CNNM2: variants seen among roughly 807,000 people sequenced by gnomAD.
CNNM2 encodes the protein cyclin and CBS domain divalent metal cation transport mediator 2.
CNNM2 carries 12 observed loss-of-function variants against 66.9 expected under a neutral mutation model. The observed-to-expected ratio is 0.18, with a 90% CI of 0.11 to 0.29. The LOEUF (loss-of-function observed/expected upper bound fraction) is 0.29. Among genes scored for constraint, CNNM2 ranks in the 10% least tolerant of loss-of-function variants. The pLI, the probability that CNNM2 is intolerant of heterozygous loss-of-function variation, is 1.00. For missense variants in CNNM2, 705 were observed against 1,167.7 expected, an observed-to-expected ratio of 0.60 and a Z score of 5.77; for synonymous variants, 557 against 501.8, an observed-to-expected ratio of 1.11 and a Z score of -1.47.
chr10:103,085,658 TTG>T lies in CNNM2; in HGVS notation c.*8482_*8483del, dbSNP rs1484843378. 1.3e-5 allele frequency: 2 copies of T among 152,178 alleles called. No individual in the cohort carries two copies. Among genetic ancestry groups the T allele is most frequent in the African/African-American group, 4.8e-5 (2 of 41,420 alleles). 9.4% of individuals were successfully genotyped at this position (152,178 alleles called of 1,614,324 possible). ...AAGGGACGAGATTCAAAATTCATCA[TTG>T]TGTTTTAAATTTAAATTGGAAAACA... On this transcript the variant is annotated 3_prime_UTR_variant, in exon 8 of 8. Transcript: ENST00000369878.
chr10:103,060,811 C>G (rs1199838685), intron 4 of CNNM2, among the ~76,000 whole-genome samples: 1 of 152,056 alleles, frequency 6.6e-6, no homozygotes, highest in Non-Finnish European at 1.5e-5. Context: ...TGACTTCTTC[C>G]TTGCATAGTT....
chr10:102,971,050 T>A (rs1184838752), intron 1 of CNNM2, among the ~76,000 whole-genome samples: 2 of 151,694 alleles, frequency 1.3e-5, no homozygotes, highest in Admixed American at 1.3e-4. Flanking sequence ...AATCTAAAAA[T>A]TAGCTGGTCC....
At chr10:102,985,076 A>G (rs2063775459) in intron 1 of CNNM2, among the ~76,000 whole-genome samples, 1 of 152,240 alleles carries the variant, frequency 6.6e-6, no homozygotes, top group Non-Finnish European at 1.5e-5. Context: ...CTAACATGAA[A>G]AGGAAATAAC....
intron 1 of CNNM2, among the ~76,000 whole-genome samples, chr10:103,031,247 G>T (rs2064814220): frequency 6.6e-6 from 1 of 152,128 alleles, no homozygotes; most frequent in Non-Finnish European, 1.5e-5. Flanking sequence ...TTTACTGTGG[G>T]CCAAAATTAC....
At chr10:102,921,100 AC>A in intron 1 of CNNM2, 1 of 951,440 alleles carries the variant, frequency 1.1e-6, no homozygotes, top group Non-Finnish European at 1.3e-6. Context: ...TGTTCGTTTG[AC>A]CATATAATGA....
chr10:102,931,825 C>G (rs1846074705), intron 1 of CNNM2, among the ~76,000 whole-genome samples: 1 of 150,510 alleles, frequency 6.6e-6, no homozygotes, highest in South Asian at 2.1e-4. Flanking sequence ...CTCCAGCATC[C>G]TCACCAGCAC....
chr10:102,960,642 A>C (rs2063364061), intron 1 of CNNM2, among the ~76,000 whole-genome samples: 1 of 152,094 alleles, frequency 6.6e-6, no homozygotes, highest in Non-Finnish European at 1.5e-5. Flanking sequence ...TTTTGAGACA[A>C]GACCTCACTT....
chr10:102,980,819 A>G (rs1320386836), intron 1 of CNNM2, among the ~76,000 whole-genome samples: 1 of 152,222 alleles, frequency 6.6e-6, no homozygotes, highest in Non-Finnish European at 1.5e-5. Context: ...TACAATCAAC[A>G]TATTGCGATC....
chr10:102,964,998 G>A (rs945928786), intron 1 of CNNM2, among the ~76,000 whole-genome samples: 3 of 152,140 alleles, frequency 2.0e-5, no homozygotes, highest in East Asian at 3.9e-4. Context: ...AAGACACAGC[G>A]TTCCTCCCCT....
rs1015636247 is a variant in CNNM2, at chr10:103,088,081, A to T, written c.*10901A>T. ...TTTCCTTTAAGAGAATATCAAACTGATGTCACCAAATCTAAACCCACTTGA... is the reference window on the plus strand; with the variant it reads ...TTTCCTTTAAGAGAATATCAAACTGTTGTCACCAAATCTAAACCCACTTGA... On this transcript the variant is annotated 3_prime_UTR_variant, in exon 8 of 8. Coordinates refer to ENST00000369878, the MANE Select transcript of CNNM2 (RefSeq NM_017649.5). 1 of 152,252 alleles carries T rather than the reference A, an allele frequency of 6.6e-6. No homozygotes were observed. Among genetic ancestry groups the T allele is most frequent in the Admixed American group, 6.5e-5 (1 of 15,286 alleles). 9.4% of individuals were successfully genotyped at this position (152,252 alleles called of 1,614,324 possible). A position where few individuals can be genotyped will look rare whatever the true frequency, so the allele number is the denominator to read the frequency against.
chr10:102,976,079 A>G (rs2063624606), intron 1 of CNNM2, among the ~76,000 whole-genome samples: 1 of 152,182 alleles, frequency 6.6e-6, no homozygotes, highest in African/African-American at 2.4e-5. Context: ...AATGAAAATA[A>G]TATTGGTGTG....
In CNNM2 at chr10:103,054,284, T is replaced by C. The variant is rs1305677090; in HGVS notation, c.1766-45T>C. 1.3e-6 allele frequency: 2 copies of C among 1,598,608 alleles called. No individual in the cohort carries two copies. Among genetic ancestry groups the C allele is most frequent in the East Asian group, 2.2e-5 (1 of 44,686 alleles). On this transcript the variant is annotated intron_variant, in intron 2 of 7. Coordinates refer to ENST00000369878, the MANE Select transcript of CNNM2 (RefSeq NM_017649.5). The surrounding 1 kb of genome is among the most constrained non-coding windows in gnomAD (Gnocchi z 5.2). ...TCATTCAAAAAGAGCCCTCATCTCA[T>C]GGGATGCATTTCTTTTTTTTTCTCT...
intron 1 of CNNM2, among the ~76,000 whole-genome samples, chr10:103,028,612 T>C (rs780454241): frequency 7.9e-5 from 12 of 152,138 alleles, no homozygotes; most frequent in Non-Finnish European, 1.5e-4. Context: ...TTAGATTAGG[T>C]AACAACAGTT....
At chr10:103,039,793 C>T (rs567046896) in intron 1 of CNNM2, among the ~76,000 whole-genome samples, 2 of 152,052 alleles carry the variant, frequency 1.3e-5, no homozygotes, top group African/African-American at 2.4e-5. Context: ...AGGGTGGCAT[C>T]AAGCTAGGTG....
In CNNM2 at chr10:103,089,228, T is replaced by C. The variant is rs2066098105; in HGVS notation, c.*12048T>C. ...TCATGGAAATAATACATTTCTCCAC[T>C]GATATACAATACCATGTAATGCACT... On this transcript the variant is annotated 3_prime_UTR_variant, in exon 8 of 8. Transcript: ENST00000369878. 4.5e-6 allele frequency: 1 copy of C among 221,108 alleles called. No individual in the cohort carries two copies. Among genetic ancestry groups the C allele is most frequent in the Non-Finnish European group, 9.0e-6 (1 of 110,722 alleles). 13.7% of individuals were successfully genotyped at this position (221,108 alleles called of 1,614,324 possible).
Position 103,071,665 on chromosome 10 carries a change from A to T in CNNM2, c.2168-109A>T. 3 of 861,122 alleles carry T rather than the reference A, an allele frequency of 3.5e-6. No homozygotes were observed. In the Admixed American group the frequency reaches 5.1e-5, roughly 15 times the overall value. 53.3% of individuals were successfully genotyped at this position (861,122 alleles called of 1,614,324 possible). ...TACCGACTTGCATTTCTGCAACTGA[A>T]TGCTCATATTGTATTGATAGAACAA... On this transcript the variant is annotated intron_variant, in intron 5 of 7. Transcript: ENST00000369878.
chr10:103,001,530 A>C (rs1433503474), intron 1 of CNNM2, among the ~76,000 whole-genome samples: 1 of 152,160 alleles, frequency 6.6e-6, no homozygotes, highest in Non-Finnish European at 1.5e-5. Context: ...CAGATGAGTC[A>C]ATGGAGGAAA....
intron 1 of CNNM2, among the ~76,000 whole-genome samples, chr10:103,016,372 A>C (rs796986766): frequency 1.4e-4 from 21 of 152,186 alleles, no homozygotes; most frequent in African/African-American, 4.6e-4. Context: ...TCAATATTTC[A>C]AAATATTGAA....
At chr10:103,042,180 G>A (rs74156609) in intron 1 of CNNM2, among the ~76,000 whole-genome samples, 41 of 152,080 alleles carry the variant, frequency 2.7e-4, no homozygotes, top group African/African-American at 9.2e-4. Context: ...TCCTCCACCC[G>A]CTATCCAGTC....
Sources: allele counts gnomAD v4.1 joint callset (sites outside exome capture counted in the v4.1 genomes callset), GRCh38; gene constraint gnomAD v4.1.1; non-coding constraint Gnocchi (gnomAD v3.1); transcripts MANE v1.5; gene names NCBI Gene and HGNC (gene_info 2026-07-23, HGNC 2026-07-21).